JAKMIP2: variants seen among roughly 807,000 people sequenced by gnomAD.
JAKMIP2 encodes the protein janus kinase and microtubule interacting protein 2, also known as janus kinase and microtubule-interacting protein 2.
Under a neutral mutation model 115.0 loss-of-function variants are expected in JAKMIP2, and 25 were observed. The observed-to-expected ratio is 0.22, with a 90% CI of 0.16 to 0.30. The LOEUF (loss-of-function observed/expected upper bound fraction) is 0.30, where lower values mean the gene tolerates loss of function less well. Ranked by LOEUF, JAKMIP2 falls within the 10% of genes least tolerant of loss-of-function variation. The pLI, the probability that JAKMIP2 is intolerant of heterozygous loss-of-function variation, is 1.00. For synonymous variants in JAKMIP2, 334 were observed against 343.6 expected (o/e 0.97, Z 0.31); for missense variants, 642 against 957.6 (o/e 0.67, Z 4.35).
chr5:147,592,982 G>A (rs1001844396), intron 21 of JAKMIP2, among the ~76,000 whole-genome samples: 2 of 152,160 alleles, frequency 1.3e-5, no homozygotes, highest in Non-Finnish European at 2.9e-5. Context: ...TGGTCGGGGA[G>A]AGATCACACT....
chr5:147,734,149 A>C (rs1753832232), intron 1 of JAKMIP2, among the ~76,000 whole-genome samples: 1 of 152,134 alleles, frequency 6.6e-6, no homozygotes, highest in Non-Finnish European at 1.5e-5. Flanking sequence ...TAAACATATG[A>C]AAAAAAGCTC....
At chr5:147,633,051 T>C (rs112735464) in intron 12 of JAKMIP2, among the ~76,000 whole-genome samples, 343 of 152,328 alleles carry the variant, frequency 2.3e-3, no homozygotes, top group Admixed American at 9.1e-3. Context: ...AATCTGAGAA[T>C]ACTCACTTTG....
chr5:147,664,019 T>C (rs1478744616), intron 2 of JAKMIP2, among the ~76,000 whole-genome samples: 2 of 152,238 alleles, frequency 1.3e-5, no homozygotes, highest in Non-Finnish European at 2.9e-5. Flanking sequence ...ATCTCCTTTA[T>C]CGTTTTTATA....
chr5:147,641,017 C>T (rs1329054558), intron 8 of JAKMIP2, among the ~76,000 whole-genome samples, 194 bp from the exon 9 acceptor site: 2 of 152,166 alleles, frequency 1.3e-5, no homozygotes, highest in Non-Finnish European at 2.9e-5. Flanking sequence ...TCACTTCTGA[C>T]ATCTTAAGAA....
At chr5:147,767,243 G>C (rs1047955725) in intron 1 of JAKMIP2, among the ~76,000 whole-genome samples, 1 of 152,086 alleles carries the variant, frequency 6.6e-6, no homozygotes. Context: ...ACAATAAGCT[G>C]ATATTGCCTT....
intron 1 of JAKMIP2, among the ~76,000 whole-genome samples, chr5:147,730,466 TG>T (rs1311056874): frequency 4.6e-5 from 7 of 152,024 alleles, no homozygotes; most frequent in Admixed American, 6.5e-5. Context: ...TTTTTGTTAT[TG>T]TTTTTTTGAG....
chr5:147,696,508 C>A (rs1752114228), intron 1 of JAKMIP2, among the ~76,000 whole-genome samples: 1 of 152,170 alleles, frequency 6.6e-6, no homozygotes, highest in Non-Finnish European at 1.5e-5. Context: ...TCAATTAAAT[C>A]TCTTTCCTTT....
rs1184751269 is a variant in JAKMIP2, at chr5:147,612,310, T to C, written c.2408A>G (p.Glu803Gly). The part of the protein sequence containing the change: ...IQKRQIKDLE[E>G]KFLFLFLFFS... ...GTTATTGAATTTGACACCTACCTTT[T>C]CTTCTAAGTCTTTTATTTGTCTTTT... The change falls in exon 20 of 22, where the codon GAA (glutamate) becomes GGA (glycine). Residue 803 changes from glutamate (E) to glycine (G), a missense_variant. By Grantham distance (98) the Glu-to-Gly change is moderately conservative. Transcript: ENST00000616793. The C allele has an allele frequency of 6.5e-7, 1 of 1,532,278 alleles. No individual in the cohort carries two copies. The highest frequency in any genetic ancestry group is 2.3e-5 in the East Asian group (1 of 44,412). The allele number at this position is 1,532,278 out of a possible 1,614,324, so 94.9% of individuals were successfully genotyped here. A position where few individuals can be genotyped will look rare whatever the true frequency, so the allele number is the denominator to read the frequency against.
intron 1 of JAKMIP2, among the ~76,000 whole-genome samples, chr5:147,738,630 G>A (rs1165546836): frequency 5.9e-5 from 8 of 134,620 alleles, no homozygotes; most frequent in African/African-American, 2.4e-4. Context: ...AACTGAGTAA[G>A]CATGCCAAAA....
intron 1 of JAKMIP2, among the ~76,000 whole-genome samples, chr5:147,690,548 T>C (rs1272385598): frequency 2.3e-5 from 1 of 43,874 alleles, no homozygotes; most frequent in African/African-American, 1.9e-4. Context: ...ATTATATATA[T>C]ATATATATAT....
chr5:147,755,138 T>A (rs1754697791), intron 1 of JAKMIP2, among the ~76,000 whole-genome samples: 1 of 152,138 alleles, frequency 6.6e-6, no homozygotes. Context: ...TCCAAGAGTT[T>A]TGAACAAAGC....
chr5:147,637,024 C>T lies in JAKMIP2; in HGVS notation c.1555G>A (p.Val519Met). 3.4e-6 allele frequency: 3 copies of T among 870,772 alleles called. No individual in the cohort carries two copies. The highest frequency in any genetic ancestry group is 6.0e-6 in the Non-Finnish European group (3 of 500,550). The allele number at this position is 870,772 out of a possible 1,614,324, so 53.9% of individuals were successfully genotyped here. A position where few individuals can be genotyped will look rare whatever the true frequency, so the allele number is the denominator to read the frequency against. Residue 519 changes from valine (V) to methionine (M), a missense_variant, in exon 11 of 22, where the codon GTG (valine) becomes ATG (methionine). Physicochemically the swap from Val to Met is conservative, Grantham distance 21 (BLOSUM62 1). Transcript: ENST00000616793. Reference protein sequence around the residue: ...AKAQEQLQAEVLRYKAKIEDL... With the variant: ...AKAQEQLQAEMLRYKAKIEDL... ...TCAATTTTGGCTTTATACCTTAGCACCTCTGCTTGGAGCTGTTCTTGAGCC... is the reference window on the plus strand; with the variant it reads ...TCAATTTTGGCTTTATACCTTAGCATCTCTGCTTGGAGCTGTTCTTGAGCC...
chr5:147,702,579 G>GGAAAGAAA (rs796114959), intron 1 of JAKMIP2, among the ~76,000 whole-genome samples: 9 of 80,502 alleles, frequency 1.1e-4, no homozygotes, highest in African/African-American at 1.8e-4. Flanking sequence ...AAAGAAAGAA[G>GGAAAGAAA]GAAAGAAAGA....
At chr5:147,705,948 C>T (rs1327962044) in intron 1 of JAKMIP2, among the ~76,000 whole-genome samples, 1 of 152,206 alleles carries the variant, frequency 6.6e-6, no homozygotes, top group Non-Finnish European at 1.5e-5. Context: ...AATCTGGCAA[C>T]ATATTTAACA....
In JAKMIP2 at chr5:147,782,531, G is replaced by A; in HGVS notation, c.-224C>T. On this transcript the variant is annotated 5_prime_UTR_variant, in exon 1 of 22. Transcript: ENST00000616793. Reference sequence around the variant, plus strand: ...ATCCATTTTCCTTGTGACCGAGTCGGATGCAGCCTCCGAACCCAACATCAG... The same window carrying A: ...ATCCATTTTCCTTGTGACCGAGTCGAATGCAGCCTCCGAACCCAACATCAG... 6.7e-7 allele frequency: 1 copy of A among 1,494,360 alleles called. No individual in the cohort carries two copies. The highest frequency in any genetic ancestry group is 2.0e-5 in the Admixed American group (1 of 50,948). The allele number at this position is 1,494,360 out of a possible 1,614,324, so 92.6% of individuals were successfully genotyped here.
At chr5:147,656,826 G>C (rs540403275) in intron 3 of JAKMIP2, among the ~76,000 whole-genome samples, 10 of 152,252 alleles carry the variant, frequency 6.6e-5, no homozygotes, top group African/African-American at 2.4e-4. Context: ...GCAAGTACTG[G>C]TTTTTTCTTT....
chr5:147,667,615 G>T (rs1759366079), intron 2 of JAKMIP2, among the ~76,000 whole-genome samples: 1 of 152,174 alleles, frequency 6.6e-6, no homozygotes, highest in Admixed American at 6.5e-5. Context: ...ATTTTCATGG[G>T]CACAAAGCAA....
chr5:147,641,454 AC>A (rs1222725242), intron 8 of JAKMIP2, among the ~76,000 whole-genome samples: 1 of 152,220 alleles, frequency 6.6e-6, no homozygotes, highest in East Asian at 1.9e-4. Context: ...TCTACATCAA[AC>A]CTAGGGGCAT....
chr5:147,637,437 A>ATTTTTTTTTTTTTTTTTTTTTTTTT lies in JAKMIP2; in HGVS notation c.1531-390_1531-389insAAAAAAAAAAAAAAAAAAAAAAAAA, dbSNP rs34831610. 7.1e-4 allele frequency among the ~76,000 whole-genome samples: 56 copies of ATTTTTTTTTTTTTTTTTTTTTTTTT among 79,298 alleles called. 4 individuals are homozygous for ATTTTTTTTTTTTTTTTTTTTTTTTT. The highest frequency in any genetic ancestry group is 1.3e-3 in the East Asian group (3 of 2,240). The allele number at this position is 79,298 out of a possible 152,430, so 52.0% of individuals were successfully genotyped here. A position where few individuals can be genotyped will look rare whatever the true frequency, so the allele number is the denominator to read the frequency against. ...CATTTTGCCTCCCCAAATTCTTTTG[A>ATTTTTTTTTTTTTTTTTTTTTTTTT]TTTTTTTTTTTTTTTTTTTTGAGAC... On this transcript the variant is annotated intron_variant, in intron 10 of 21. Coordinates refer to ENST00000616793, the MANE Select transcript of JAKMIP2 (RefSeq NM_001270941.2).
Sources: gnomAD v4.1 joint callset for allele counts (sites outside exome capture counted in the v4.1 genomes callset) on GRCh38, gnomAD v4.1.1 for gene constraint, MANE v1.5 for transcripts, NCBI Gene and HGNC (gene_info 2026-07-23, HGNC 2026-07-21) for gene names.